The following DCC variants were observed in gnomAD, a reference collection of about 807,000 sequenced individuals.
The protein encoded by DCC is DCC netrin 1 receptor, also known as netrin receptor DCC.
A neutral mutation model predicts 172.5 loss-of-function variants in DCC; 58 were observed. The observed-to-expected ratio is 0.34, with a 90% CI of 0.27 to 0.42. The LOEUF (loss-of-function observed/expected upper bound fraction) is 0.42. DCC is among the 10% of genes least tolerant of loss of function. DCC has a pLI of 1.00. For missense variants in DCC, 1,740 were observed against 1,791.0 expected, an observed-to-expected ratio of 0.97 and a Z score of 0.51; for synonymous variants, 709 against 644.5, an observed-to-expected ratio of 1.10 and a Z score of -1.52.
chr18:53,522,565 A>G (rs964519209), intron 27 of DCC, among the ~76,000 whole-genome samples: 2 of 152,162 alleles, frequency 1.3e-5, no homozygotes, highest in African/African-American at 4.8e-5. Flanking sequence ...TGGTACCAAA[A>G]CAGAGATATA....
chr18:53,063,261 A>G lies in DCC; in HGVS notation c.986-44A>G, dbSNP rs368745797. ...GAAGACCTCAGCAGCATGCAAGTTC[A>G]CATCCCCACCCACTCACTCACTTTT... On this transcript the variant is annotated intron_variant, in intron 5 of 28. Coordinates refer to ENST00000442544, the MANE Select transcript of DCC (RefSeq NM_005215.4). 1.6e-5 allele frequency: 25 copies of G among 1,603,500 alleles called. No homozygotes were observed. The African/African-American group carries it at 3.2e-4, about 21-fold the overall frequency.
chr18:53,043,920 C>T (rs1353165634), intron 5 of DCC, among the ~76,000 whole-genome samples: 2 of 151,728 alleles, frequency 1.3e-5, no homozygotes, highest in African/African-American at 2.4e-5. Flanking sequence ...TGTTACTGTG[C>T]CTGTGAATGC....
chr18:53,259,850 A>G (rs889769305), intron 12 of DCC, among the ~76,000 whole-genome samples: 2 of 152,180 alleles, frequency 1.3e-5, no homozygotes, highest in East Asian at 1.9e-4. Context: ...AGGTACACCA[A>G]TCAGAAGTAG....
At chr18:52,777,069 T>C (rs1339113166) in intron 2 of DCC, among the ~76,000 whole-genome samples, 1 of 152,204 alleles carries the variant, frequency 6.6e-6, no homozygotes, top group South Asian at 2.1e-4. Context: ...ATTTTTACTT[T>C]TTAAAAAATT....
At chr18:52,926,729 C>T (rs564655684) in intron 5 of DCC, among the ~76,000 whole-genome samples, 3 of 150,260 alleles carry the variant, frequency 2.0e-5, no homozygotes, top group Non-Finnish European at 4.5e-5. Context: ...TCGTTGATAT[C>T]TGAGATAAAC....
At chr18:52,830,626 G>A (rs748659698) in intron 2 of DCC, among the ~76,000 whole-genome samples, 1 of 152,124 alleles carries the variant, frequency 6.6e-6, no homozygotes. Context: ...TTCTACTCTT[G>A]AATTAGTCAC....
chr18:53,206,295 G>A lies in DCC; in HGVS notation c.1722+931G>A, dbSNP rs922952516. Among the ~76,000 whole-genome samples, 130 of 129,336 alleles carry A rather than the reference G, an allele frequency of 1.0e-3. 1 individual carries two copies. Among genetic ancestry groups the A allele is most frequent in the African/African-American group, 3.7e-3 (129 of 35,330 alleles). 84.8% of individuals were successfully genotyped at this position (129,336 alleles called of 152,430 possible). A position where few individuals can be genotyped will look rare whatever the true frequency, so the allele number is the denominator to read the frequency against. ...TATAACACATATATACCACATATATGTATTGTAACACATATATACATATAT... is the reference window on the plus strand; with the variant it reads ...TATAACACATATATACCACATATATATATTGTAACACATATATACATATAT... On this transcript the variant is annotated intron_variant, in intron 10 of 28. Coordinates refer to ENST00000442544, the MANE Select transcript of DCC (RefSeq NM_005215.4).
chr18:52,670,797 G>A (rs1040039976), intron 1 of DCC, among the ~76,000 whole-genome samples: 3 of 151,786 alleles, frequency 2.0e-5, no homozygotes, highest in Admixed American at 6.6e-5. Flanking sequence ...CCGAGATTGC[G>A]CCACTGCACT....
chr18:52,580,610 G>C lies in DCC; in HGVS notation c.92-171444G>C, dbSNP rs2033523339. ...CTTAGGAAAGTTATCTGGTCACTTG[G>C]AAATGAAAGATTTATCACATCACAT... On this transcript the variant is annotated intron_variant, in intron 1 of 28. Transcript: ENST00000442544. Among the ~76,000 whole-genome samples the C allele has an allele frequency of 2.6e-5, 4 of 152,260 alleles. No individual in the cohort carries two copies. The South Asian group carries it at 8.3e-4, about 32-fold the overall frequency.
chr18:52,492,485 T>C (rs1163216802), intron 1 of DCC, among the ~76,000 whole-genome samples: 1 of 151,836 alleles, frequency 6.6e-6, no homozygotes, highest in Admixed American at 6.6e-5. Flanking sequence ...GGTTTCTTCA[T>C]TGAGACAGGA....
intron 1 of DCC, among the ~76,000 whole-genome samples, chr18:52,368,473 C>T (rs1046220046): frequency 6.6e-5 from 10 of 152,108 alleles, no homozygotes; most frequent in African/African-American, 2.4e-4. Context: ...GGTTTCAGTC[C>T]ATATCCTTAG....
chr18:53,328,263 G>A (rs2057490990), intron 14 of DCC, among the ~76,000 whole-genome samples: 1 of 152,176 alleles, frequency 6.6e-6, no homozygotes, highest in African/African-American at 2.4e-5. Flanking sequence ...TTTTTTCTAA[G>A]TACCATGTAA....
At chr18:52,459,330 T>G (rs980385711) in intron 1 of DCC, among the ~76,000 whole-genome samples, 2 of 152,178 alleles carry the variant, frequency 1.3e-5, no homozygotes, top group African/African-American at 2.4e-5. Flanking sequence ...AGTTATTTTT[T>G]CTGATCCTCT....
chr18:52,738,295 A>G (rs2036759495), intron 1 of DCC, among the ~76,000 whole-genome samples: 1 of 152,206 alleles, frequency 6.6e-6, no homozygotes, highest in South Asian at 2.1e-4. Context: ...CAAACATCAT[A>G]GAGTGTCCTC....
intron 5 of DCC, among the ~76,000 whole-genome samples, chr18:52,982,984 G>T (rs564044095): frequency 6.6e-6 from 1 of 152,186 alleles, no homozygotes; most frequent in South Asian, 2.1e-4. Context: ...AGTATCTCCT[G>T]GTTTGCCTGG....
intron 1 of DCC, among the ~76,000 whole-genome samples, chr18:52,470,527 G>T (rs866454525): frequency 4.8e-4 from 73 of 152,244 alleles, no homozygotes; most frequent in African/African-American, 1.6e-3. Context: ...CATCAGATTA[G>T]TAGTCATGTC....
chr18:52,563,478 C>A lies in DCC; in HGVS notation c.92-188576C>A, dbSNP rs183955210. On this transcript the variant is annotated intron_variant, in intron 1 of 28. Coordinates refer to ENST00000442544, the MANE Select transcript of DCC (RefSeq NM_005215.4). ...TTAGTATGAACTCTGCGGTGTCTTA[C>A]ATCTTGTATGAAACATTCCATCTTC... Among the ~76,000 whole-genome samples, 568 of 152,196 alleles carry A rather than the reference C, an allele frequency of 3.7e-3. 6 individuals carry two copies. Among genetic ancestry groups the A allele is most frequent in the Middle Eastern group, 0.02 (6 of 294 alleles).
intron 1 of DCC, among the ~76,000 whole-genome samples, chr18:52,607,668 T>C (rs3885873): frequency 0.14 from 20,706 of 152,156 alleles, 1,479 homozygotes; most frequent in South Asian, 0.19. Flanking sequence ...ATCCCTTCAT[T>C]TTGCGTGGTA....
intron 1 of DCC, among the ~76,000 whole-genome samples, chr18:52,739,599 C>T (rs931470558): frequency 2.0e-5 from 3 of 152,154 alleles, no homozygotes; most frequent in Non-Finnish European, 2.9e-5. Flanking sequence ...TCTGTCTCTG[C>T]ACAGGCCTGT....
Sources: gnomAD v4.1 joint callset for allele counts (sites outside exome capture counted in the v4.1 genomes callset) on GRCh38, gnomAD v4.1.1 for gene constraint, MANE v1.5 for transcripts, NCBI Gene and HGNC (gene_info 2026-07-23, HGNC 2026-07-21) for gene names.